DMD: variants seen among roughly 807,000 people sequenced by gnomAD.
DMD encodes dystrophin.
A neutral mutation model predicts 330.1 loss-of-function variants in DMD; 63 were observed. The ratio of observed to expected loss-of-function variants is 0.19; its 90% CI spans 0.16 to 0.24. The LOEUF (loss-of-function observed/expected upper bound fraction) is 0.24. DMD is among the 10% of genes least tolerant of loss of function. The probability of loss-of-function intolerance (pLI) is 1.00; values close to 1 mark genes in which losing one functional copy is unlikely to be tolerated. For missense variants in DMD, 3,344 were observed against 2,684.1 expected, an observed-to-expected ratio of 1.25 and a Z score of -5.43; for synonymous variants, 1,223 against 959.8, an observed-to-expected ratio of 1.27 and a Z score of -5.07.
chrX:31,233,075 C>T (rs1375630214), intron 63 of DMD, among the ~76,000 whole-genome samples: 1 of 111,831 alleles, frequency 8.9e-6, no homozygotes, highest in Non-Finnish European at 1.9e-5. Context: ...GTTACAACTA[C>T]TCCAAATCAA....
intron 4 of DMD, among the ~76,000 whole-genome samples, chrX:32,830,362 A>C (rs987415526): frequency 9.0e-6 from 1 of 111,536 alleles, no homozygotes; most frequent in Non-Finnish European, 1.9e-5. Context: ...TTGCTAAATA[A>C]CTGAATGGTA....
At chrX:31,716,862 T>C (rs997710462) in intron 52 of DMD, among the ~76,000 whole-genome samples, 7 of 108,743 alleles carry the variant, frequency 6.4e-5, no homozygotes, top group East Asian at 2.9e-4. Context: ...CACACATATA[T>C]ATATATATAT....
At chrX:31,600,691 G>A (rs1310335686) in intron 55 of DMD, among the ~76,000 whole-genome samples, 1 of 108,222 alleles carries the variant, frequency 9.2e-6, no homozygotes, top group Non-Finnish European at 1.9e-5. Context: ...GAGAGTCTTG[G>A]GTCAGAGTAT....
chrX:33,154,784 A>C (rs2048428807), intron 1 of DMD, among the ~76,000 whole-genome samples: 1 of 111,805 alleles, frequency 8.9e-6, no homozygotes, highest in East Asian at 2.8e-4. Flanking sequence ...CTTTCAGAAT[A>C]TGGTCAAAGG....
intron 60 of DMD, among the ~76,000 whole-genome samples, chrX:31,402,856 C>A (rs769934080): frequency 9.0e-5 from 10 of 111,198 alleles, no homozygotes; most frequent in African/African-American, 2.9e-4. Context: ...GAGTGATTAA[C>A]GTGATCGTTT....
rs750184877 is a variant in DMD, at chrX:32,610,607, C to T, written c.1482+3696G>A. ...CTCCAGTTGAGAGAGAGAGAGCAGG[C>T]GACCTCTGATCTGAGCAGAATTTAA... On this transcript the variant is annotated intron_variant, in intron 12 of 78. Transcript: ENST00000357033. Among the ~76,000 whole-genome samples, 11 of 111,201 alleles carry T rather than the reference C, an allele frequency of 9.9e-5. No individual in the cohort carries two copies. In the East Asian group the frequency reaches 1.4e-3, roughly 14 times the overall value.
intron 27 of DMD, among the ~76,000 whole-genome samples, chrX:32,447,757 G>T (rs1045874857): frequency 9.0e-6 from 1 of 111,677 alleles, no homozygotes; most frequent in Non-Finnish European, 1.9e-5. Flanking sequence ...AAAGTTTTGT[G>T]CCCCTTGGCA....
At chrX:32,137,712 G>A in intron 44 of DMD, among the ~76,000 whole-genome samples, 1 of 110,375 alleles carries the variant, frequency 9.1e-6, no homozygotes, top group South Asian at 3.9e-4. Context: ...TTGATTTCAG[G>A]TTTTTGGAGA....
At chrX:33,269,230 A>T (rs2148911487) in intron 1 of DMD, among the ~76,000 whole-genome samples, 1 of 111,813 alleles carries the variant, frequency 8.9e-6, no homozygotes, top group East Asian at 2.8e-4. Flanking sequence ...AATGTAGTAC[A>T]TACACACCAC....
intron 43 of DMD, among the ~76,000 whole-genome samples, chrX:32,220,102 T>C (rs771674850): frequency 2.7e-5 from 3 of 111,560 alleles, no homozygotes; most frequent in South Asian, 3.8e-4. Context: ...TACACCATTG[T>C]TCCAGGCCCA....
chrX:32,212,721 T>C (rs1329203427), intron 44 of DMD, among the ~76,000 whole-genome samples: 1 of 111,862 alleles, frequency 8.9e-6, no homozygotes, highest in Non-Finnish European at 1.9e-5. Flanking sequence ...GATGCTGATA[T>C]CATTCAACGA....
intron 50 of DMD, among the ~76,000 whole-genome samples, chrX:31,794,798 T>C (rs779583576): frequency 5.4e-5 from 6 of 110,836 alleles, no homozygotes; most frequent in Admixed American, 9.7e-5. Flanking sequence ...GCCAGAGGCT[T>C]CTACTGGCTT....
intron 43 of DMD, among the ~76,000 whole-genome samples, chrX:32,231,315 A>C (rs1043027650): frequency 6.2e-5 from 7 of 112,391 alleles, no homozygotes; most frequent in Non-Finnish European, 1.1e-4. Context: ...TTATCTTCCC[A>C]AAAGTATGGT....
intron 45 of DMD, among the ~76,000 whole-genome samples, chrX:31,957,718 C>G (rs948783762): frequency 8.9e-6 from 1 of 111,760 alleles, no homozygotes; most frequent in Admixed American, 9.5e-5. Flanking sequence ...TAAATTTAGA[C>G]TTATATTAAT....
intron 60 of DMD, among the ~76,000 whole-genome samples, chrX:31,415,209 C>G (rs933888910): frequency 2.7e-5 from 3 of 112,363 alleles, no homozygotes; most frequent in African/African-American, 9.7e-5. Flanking sequence ...AACTCCCAAA[C>G]TTATTTTATT....
intron 55 of DMD, among the ~76,000 whole-genome samples, chrX:31,518,541 T>C (rs1311177287): frequency 9.0e-6 from 1 of 110,674 alleles, no homozygotes; most frequent in African/African-American, 3.3e-5. Context: ...TTTTGGTTTT[T>C]TATATTATAT....
At chrX:31,266,798 C>G in intron 62 of DMD, 1 of 1,197,679 alleles carries the variant, frequency 8.3e-7, no homozygotes, top group South Asian at 1.8e-5. Context: ...GCCGGGGCCG[C>G]GATCCACTTA....
At chrX:31,281,494 G>A (rs746236310) in intron 62 of DMD, among the ~76,000 whole-genome samples, 5 of 111,555 alleles carry the variant, frequency 4.5e-5, no homozygotes, top group Non-Finnish European at 7.5e-5. Context: ...TCATTTTCCA[G>A]GATTTTGTTG....
intron 63 of DMD, among the ~76,000 whole-genome samples, chrX:31,242,004 C>G (rs1190776929): frequency 9.0e-6 from 1 of 110,583 alleles, no homozygotes; most frequent in Non-Finnish European, 1.9e-5. Context: ...TTCTTGTAAT[C>G]CCAGCACTTT....
Sources: gnomAD v4.1 joint callset for allele counts (sites outside exome capture counted in the v4.1 genomes callset) on GRCh38, gnomAD v4.1.1 for gene constraint, MANE v1.5 for transcripts, NCBI Gene and HGNC (gene_info 2026-07-23, HGNC 2026-07-21) for gene names.